The following NELL1 variants were observed in gnomAD, a reference collection of about 807,000 sequenced individuals.
NELL1 encodes neural EGFL like 1.
Under a neutral mutation model 107.4 loss-of-function variants are expected in NELL1, and 76 were observed. The observed-to-expected ratio is 0.71, with a 90% confidence interval of 0.59 to 0.86. NELL1 has a LOEUF of 0.86. Ranked by LOEUF, NELL1 falls within the 40% of genes least tolerant of loss-of-function variation. The pLI is 0.00. For synonymous variants in NELL1, 353 were observed against 341.2 expected (o/e 1.03, Z -0.38); for missense variants, 1,024 against 1,005.5 (o/e 1.02, Z -0.25).
At chr11:21,157,547 C>A (rs1270740032) in intron 13 of NELL1, among the ~76,000 whole-genome samples, 2 of 152,134 alleles carry the variant, frequency 1.3e-5, no homozygotes, top group African/African-American at 4.8e-5. Flanking sequence ...CTTGCTGAGC[C>A]ATGAGAAAGC....
At chr11:21,167,494 T>C (rs1856511178) in intron 13 of NELL1, among the ~76,000 whole-genome samples, 1 of 151,788 alleles carries the variant, frequency 6.6e-6, no homozygotes, top group Non-Finnish European at 1.5e-5. Flanking sequence ...GATGAAAAAT[T>C]TGAGATATGT....
chr11:20,916,000 G>A (rs1253010376), intron 5 of NELL1, among the ~76,000 whole-genome samples: 1 of 151,160 alleles, frequency 6.6e-6, no homozygotes, highest in Non-Finnish European at 1.5e-5. Flanking sequence ...GTATCTGTAG[G>A]GTATCACCAC....
At position 21,234,443 on chromosome 11, in the gene NELL1, C is replaced by T. The variant is rs144666616; in HGVS notation, c.1549+4989C>T. Among the ~76,000 whole-genome samples, 5 of 152,240 alleles carry T rather than the reference C, an allele frequency of 3.3e-5. No homozygotes were observed. The East Asian group carries it at 9.7e-4, about 29-fold the overall frequency. ...CCCACCAACTTTGGGGTTTCTCACT[C>T]CCTGACCAGTGCACCATGATTGGGC... is the stretch of plus-strand genomic sequence containing the variant. On this transcript the variant is annotated intron_variant, in intron 14 of 19. Coordinates refer to ENST00000357134, the MANE Select transcript of NELL1 (RefSeq NM_006157.5).
intron 14 of NELL1, among the ~76,000 whole-genome samples, chr11:21,358,719 TTTGTTGTTG>T (rs34509053): frequency 6.7e-6 from 1 of 148,908 alleles, no homozygotes; most frequent in African/African-American, 2.5e-5. Context: ...GCCCGGCCTT[TTTGTTGTTG>T]TTGTTGTTGT....
At chr11:20,860,425 G>C (rs1191644855) in intron 4 of NELL1, among the ~76,000 whole-genome samples, 1 of 152,042 alleles carries the variant, frequency 6.6e-6, no homozygotes, top group African/African-American at 2.4e-5. Context: ...TGGATTCCTA[G>C]CTTGTGGCCA....
intron 15 of NELL1, among the ~76,000 whole-genome samples, chr11:21,493,566 A>G (rs1012174056): frequency 2.0e-5 from 3 of 152,058 alleles, no homozygotes. Context: ...TAGAGTATAG[A>G]ATGATAGATA....
At chr11:21,524,725 C>T (rs2133960155) in intron 15 of NELL1, among the ~76,000 whole-genome samples, 1 of 152,204 alleles carries the variant, frequency 6.6e-6, no homozygotes, top group African/African-American at 2.4e-5. Context: ...CAATAAGAAT[C>T]ATTTGTAATT....
At chr11:20,938,531 T>A (rs574919438) in intron 10 of NELL1, among the ~76,000 whole-genome samples, 1 of 151,814 alleles carries the variant, frequency 6.6e-6, no homozygotes, top group Non-Finnish European at 1.5e-5. Flanking sequence ...GAGGTCTGAG[T>A]TGGGGATGGG....
intron 13 of NELL1, among the ~76,000 whole-genome samples, chr11:21,200,426 G>A (rs1857243031): frequency 6.6e-6 from 1 of 151,886 alleles, no homozygotes; most frequent in East Asian, 1.9e-4. Context: ...ATGTTTGTTG[G>A]CCACATAAAT....
chr11:21,408,882 T>C (rs914435256), intron 15 of NELL1, among the ~76,000 whole-genome samples: 3 of 151,986 alleles, frequency 2.0e-5, no homozygotes, highest in African/African-American at 7.2e-5. Context: ...CACAATGAGA[T>C]ACCATCTCAC....
intron 5 of NELL1, among the ~76,000 whole-genome samples, chr11:20,900,321 C>T (rs977708641): frequency 1.4e-4 from 21 of 152,128 alleles, no homozygotes; most frequent in Non-Finnish European, 2.9e-4. Flanking sequence ...GATTACTTTG[C>T]TTCATTATAT....
chr11:21,136,918 AAGAAG>A (rs1565077874), intron 13 of NELL1, among the ~76,000 whole-genome samples: 1 of 152,214 alleles, frequency 6.6e-6, no homozygotes. Flanking sequence ...CTCACCAGTA[AAGAAG>A]AGAAGAGAAG....
chr11:20,863,950 A>G (rs1849044541), intron 4 of NELL1, among the ~76,000 whole-genome samples: 1 of 152,174 alleles, frequency 6.6e-6, no homozygotes, highest in Non-Finnish European at 1.5e-5. Context: ...CACCAAAAAA[A>G]TACGAAAACC....
At chr11:20,716,222 T>A (rs1855246917) in intron 2 of NELL1, among the ~76,000 whole-genome samples, 1 of 152,234 alleles carries the variant, frequency 6.6e-6, no homozygotes, top group Admixed American at 6.5e-5. Flanking sequence ...GCCACGTGCC[T>A]GGGGACCCAA....
intron 3 of NELL1, among the ~76,000 whole-genome samples, chr11:20,820,558 G>T (rs140952551): frequency 2.9e-3 from 447 of 152,270 alleles, no homozygotes; most frequent in Middle Eastern, 6.8e-3. Flanking sequence ...TACCAAGGCT[G>T]TGTTTCTGTG....
chr11:20,889,461 A>G (rs1266530666), intron 5 of NELL1, among the ~76,000 whole-genome samples: 1 of 152,206 alleles, frequency 6.6e-6, no homozygotes, highest in Non-Finnish European at 1.5e-5. Context: ...TTTATAACCA[A>G]TAGATCTTCA....
intron 12 of NELL1, among the ~76,000 whole-genome samples, chr11:21,105,197 G>A (rs965530781): frequency 7.2e-5 from 11 of 152,250 alleles, no homozygotes; most frequent in East Asian, 1.9e-4. Context: ...ACAGACACAC[G>A]TGGAGTGGGG....
intron 11 of NELL1, among the ~76,000 whole-genome samples, chr11:20,955,586 T>G (rs2134208134): frequency 6.6e-6 from 1 of 152,280 alleles, no homozygotes; most frequent in Non-Finnish European, 1.5e-5. Flanking sequence ...TCATCATCAT[T>G]ATTAGTGGCC....
chr11:20,851,440 AT>A (rs1285403261), intron 4 of NELL1, among the ~76,000 whole-genome samples: 2 of 151,960 alleles, frequency 1.3e-5, no homozygotes, highest in South Asian at 4.1e-4. Context: ...GGGGAGACTG[AT>A]TATCTCCATT....
Sources: allele counts gnomAD v4.1 joint callset (sites outside exome capture counted in the v4.1 genomes callset), GRCh38; gene constraint gnomAD v4.1.1; transcripts MANE v1.5; gene names NCBI Gene and HGNC (gene_info 2026-07-23, HGNC 2026-07-21).